RBM47: variants seen among roughly 807,000 people sequenced by gnomAD.
RBM47 encodes RNA-binding protein 47.
RBM47 carries 21 observed loss-of-function variants against 47.1 expected under a neutral mutation model. The ratio of observed to expected loss-of-function variants is 0.45; its 90% confidence interval spans 0.32 to 0.64. RBM47 has a LOEUF of 0.64. Ranked by LOEUF, RBM47 falls within the 30% of genes least tolerant of loss-of-function variation. The pLI is 0.05. For synonymous variants in RBM47, 375 were observed against 361.7 expected, an observed-to-expected ratio of 1.04 and a Z score of -0.42; for missense variants, 708 against 870.9, an observed-to-expected ratio of 0.81 and a Z score of 2.35.
chr4:40,624,414 T>C (rs1171859420), intron 1 of RBM47, among the ~76,000 whole-genome samples: 2 of 152,138 alleles, frequency 1.3e-5, no homozygotes, highest in African/African-American at 4.8e-5. Context: ...GACCAAACGT[T>C]GCTGATTACC....
At chr4:40,553,886 A>G (rs1429002129) in intron 1 of RBM47, among the ~76,000 whole-genome samples, 1 of 152,116 alleles carries the variant, frequency 6.6e-6, no homozygotes, top group African/African-American at 2.4e-5. Flanking sequence ...CTCTACTAAG[A>G]AGTTCTTTGC....
intron 3 of RBM47, among the ~76,000 whole-genome samples, chr4:40,458,109 A>T (rs1716569884): frequency 6.6e-6 from 1 of 152,264 alleles, no homozygotes; most frequent in Admixed American, 6.5e-5. Context: ...ATATAGTAAC[A>T]GTATGGTCTA....
chr4:40,493,302 A>C (rs1014304155), intron 2 of RBM47, among the ~76,000 whole-genome samples: 2 of 152,186 alleles, frequency 1.3e-5, no homozygotes, highest in African/African-American at 4.8e-5. Context: ...AAAGGCCATG[A>C]CAGGTGGCAT....
chr4:40,426,316 T>C, intron 6 of RBM47, 173 bp from the exon 7 acceptor site: 3 of 795,858 alleles, frequency 3.8e-6, no homozygotes, highest in Non-Finnish European at 1.9e-6. Context: ...GAAGAGCCAC[T>C]GAAGAGGTAA....
intron 2 of RBM47, among the ~76,000 whole-genome samples, chr4:40,476,183 A>T (rs73150119): frequency 0.026 from 3,992 of 152,294 alleles, 174 homozygotes; most frequent in African/African-American, 0.09. Context: ...GGCTGTTGGG[A>T]TTAAATAAAT....
At chr4:40,589,702 G>T (rs1359295549) in intron 1 of RBM47, among the ~76,000 whole-genome samples, 2 of 152,368 alleles carry the variant, frequency 1.3e-5, no homozygotes, top group East Asian at 1.9e-4. Flanking sequence ...GCCTCCCGAA[G>T]TGCTGGGATT....
chr4:40,585,336 T>C (rs1415814005), intron 1 of RBM47, among the ~76,000 whole-genome samples: 1 of 152,212 alleles, frequency 6.6e-6, no homozygotes, highest in East Asian at 1.9e-4. Flanking sequence ...CAAGTTCCTT[T>C]GAGCCTAATT....
rs1449455672 is a variant in RBM47, at chr4:40,593,200, G to A, written c.-240+36196C>T. ...TTTTTAGTAGAGACGGGGTTTCACC[G>A]TGTTAGCCAGAAGGGTCTCGATCTC... On this transcript the variant is annotated intron_variant, in intron 1 of 6. Coordinates refer to ENST00000295971, the MANE Select transcript of RBM47 (RefSeq NM_001098634.2). Among the ~76,000 whole-genome samples the A allele has an allele frequency of 2.0e-3, 292 of 149,362 alleles. 1 individual carries two copies. Among genetic ancestry groups the A allele is most frequent in the Admixed American group, 3.0e-3 (45 of 14,908 alleles).
chr4:40,616,127 C>A (rs1445878869), intron 1 of RBM47, among the ~76,000 whole-genome samples: 2 of 151,980 alleles, frequency 1.3e-5, no homozygotes, highest in African/African-American at 4.8e-5. Context: ...CCGAGGCGGG[C>A]GGATCACGAG....
intron 2 of RBM47, among the ~76,000 whole-genome samples, chr4:40,486,534 C>T (rs1454989759): frequency 1.3e-5 from 2 of 152,174 alleles, no homozygotes; most frequent in Admixed American, 1.3e-4. Context: ...TGTGGTGGCT[C>T]ATGCCTGTAA....
intron 2 of RBM47, among the ~76,000 whole-genome samples, chr4:40,497,573 C>T (rs1364803478): frequency 1.3e-5 from 2 of 151,828 alleles, no homozygotes; most frequent in African/African-American, 4.8e-5. Context: ...GCAGCCTGGG[C>T]AACAGGGTGA....
chr4:40,575,230 AG>A (rs1231788824), intron 1 of RBM47, among the ~76,000 whole-genome samples: 1 of 152,272 alleles, frequency 6.6e-6, no homozygotes, highest in African/African-American at 2.4e-5. Context: ...TAATTCACAA[AG>A]GGAATGTTAT....
chr4:40,594,753 C>T (rs1418960965), intron 1 of RBM47, among the ~76,000 whole-genome samples: 3 of 152,180 alleles, frequency 2.0e-5, no homozygotes, highest in South Asian at 2.1e-4. Context: ...TTCAAGAAGC[C>T]CTCCTGACTG....
chr4:40,590,762 A>G (rs1734063706), intron 1 of RBM47, among the ~76,000 whole-genome samples: 4 of 152,242 alleles, frequency 2.6e-5, no homozygotes, highest in Admixed American at 2.6e-4. Context: ...TGAGCATATC[A>G]TGTTAAGTGA....
rs369089963 is a variant in RBM47, at chr4:40,522,154, C to T, written c.-155+22268G>A. ...GATGGGCCAACCAATTTTAATGTAA[C>T]AGAGCATGAAAATTTCCTTTTTATG... On this transcript the variant is annotated intron_variant, in intron 2 of 6. Transcript: ENST00000295971. Among the ~76,000 whole-genome samples the T allele has an allele frequency of 2.6e-5, 4 of 152,286 alleles. No individual in the cohort carries two copies. The South Asian group carries it at 8.3e-4, about 32-fold the overall frequency.
At chr4:40,612,799 A>C (rs532278187) in intron 1 of RBM47, among the ~76,000 whole-genome samples, 39 of 152,352 alleles carry the variant, frequency 2.6e-4, no homozygotes, top group African/African-American at 5.5e-4. Flanking sequence ...ACTACAAAGA[A>C]GTCAAACCTA....
intron 1 of RBM47, among the ~76,000 whole-genome samples, chr4:40,615,467 C>G (rs1464613598): frequency 6.6e-6 from 1 of 151,948 alleles, no homozygotes; most frequent in Non-Finnish European, 1.5e-5. Context: ...CAGCTCTTCA[C>G]CAAAGTTGCT....
chr4:40,607,288 T>C (rs10938275), intron 1 of RBM47, among the ~76,000 whole-genome samples: 79,058 of 152,064 alleles, frequency 0.52, 21,188 homozygotes, highest in African/African-American at 0.62. Flanking sequence ...TCTATTTATG[T>C]GAGATGTCCA....
At chr4:40,545,213 AG>A (rs1419955949) in intron 1 of RBM47, among the ~76,000 whole-genome samples, 1 of 151,120 alleles carries the variant, frequency 6.6e-6, no homozygotes, top group Non-Finnish European at 1.5e-5. Context: ...CACCATGCCC[AG>A]CTAATGTTTT....
Sources: allele counts gnomAD v4.1 joint callset (sites outside exome capture counted in the v4.1 genomes callset), GRCh38; gene constraint gnomAD v4.1.1; transcripts MANE v1.5; gene names NCBI Gene and HGNC (gene_info 2026-07-23, HGNC 2026-07-21).